CELF1: variants seen among roughly 807,000 people sequenced by gnomAD.
CELF1 encodes 50 kDa nuclear polyadenylated RNA-binding protein.
A neutral mutation model predicts 61.8 loss-of-function variants in CELF1; 10 were observed. The ratio of observed to expected loss-of-function variants is 0.16; its 90% confidence interval spans 0.10 to 0.27. The LOEUF (loss-of-function observed/expected upper bound fraction) is 0.27. Ranked by LOEUF, CELF1 falls within the 10% of genes least tolerant of loss-of-function variation. The pLI, the probability that CELF1 is intolerant of heterozygous loss-of-function variation, is 1.00. For missense variants in CELF1, 380 were observed against 639.1 expected, an observed-to-expected ratio of 0.59 and a Z score of 4.37; for synonymous variants, 236 against 225.1, an observed-to-expected ratio of 1.05 and a Z score of -0.43.
chr11:47,534,679 G>T (rs927223918), intron 1 of CELF1, among the ~76,000 whole-genome samples: 1 of 152,154 alleles, frequency 6.6e-6, no homozygotes, highest in African/African-American at 2.4e-5. Flanking sequence ...AGTATGCAGA[G>T]ATCGCACCAC....
intron 1 of CELF1, among the ~76,000 whole-genome samples, chr11:47,536,060 C>G (rs1007371805): frequency 3.3e-5 from 5 of 152,162 alleles, no homozygotes; most frequent in Non-Finnish European, 5.9e-5. Context: ...CTGCACCCAG[C>G]CCAAGAGTTT....
At chr11:47,541,928 A>G (rs1040865955) in intron 1 of CELF1, among the ~76,000 whole-genome samples, 5 of 152,134 alleles carry the variant, frequency 3.3e-5, no homozygotes, top group Admixed American at 6.6e-5. Flanking sequence ...CATAATCCCC[A>G]AACTAAAGAC....
chr11:47,561,457 A>AG, intron 2 of CELF1, among the ~76,000 whole-genome samples: 1 of 151,478 alleles, frequency 6.6e-6, no homozygotes, highest in Middle Eastern at 3.4e-3. Context: ...AAAAAAAAAA[A>AG]AAAAAAAAGT....
chr11:47,487,507 C>T (rs982544786), intron 4 of CELF1, among the ~76,000 whole-genome samples: 24 of 152,294 alleles, frequency 1.6e-4, no homozygotes, highest in Middle Eastern at 3.4e-3. Context: ...CTGGAAAATA[C>T]GACTTCTCAT....
Position 47,488,906 on chromosome 11 carries a change from C to T in CELF1, c.190G>A (p.Glu64Lys), listed in dbSNP as rs200901411. 3.7e-6 allele frequency: 6 copies of T among 1,612,890 alleles called. No individual in the cohort carries two copies. The highest frequency in any genetic ancestry group is 5.1e-6 in the Non-Finnish European group (6 of 1,179,696). Reference sequence around the variant, plus strand: ...ATTTCATACACAGCACCATACTGTTCGAAGAGTTCCCGCAAGTCCTTTTCA... The same window carrying T: ...ATTTCATACACAGCACCATACTGTTTGAAGAGTTCCCGCAAGTCCTTTTCA... ...WSEKDLRELFEQYGAVYEINV... is the reference protein window; with the variant it reads ...WSEKDLRELFKQYGAVYEINV... The change falls in exon 4 of 15, where the codon GAA becomes AAA. Residue 64 changes from glutamate to lysine, a missense_variant. Transcript: ENST00000687097.
At chr11:47,505,936 CAA>C (rs71457222) in intron 1 of CELF1, among the ~76,000 whole-genome samples, 30 of 103,292 alleles carry the variant, frequency 2.9e-4, no homozygotes, top group Admixed American at 3.1e-4. Context: ...ACTCTGTCTC[CAA>C]AAAAAAAAAA....
chr11:47,552,034 T>TG (rs1223000669), intron 1 of CELF1, among the ~76,000 whole-genome samples: 2 of 149,960 alleles, frequency 1.3e-5, no homozygotes, highest in Admixed American at 1.3e-4. Flanking sequence ...AAAAAAAAGA[T>TG]GAAGTTCTTG....
intron 3 of CELF1, among the ~76,000 whole-genome samples, chr11:47,489,935 G>GTTTTGTTTTTTTTTTTTTTTTTT (rs2090221098): frequency 2.1e-5 from 1 of 48,226 alleles, no homozygotes; most frequent in Non-Finnish European, 3.9e-5. Flanking sequence ...ATACCATCTT[G>GTTTTGTTTTTTTTTTTTTTTTTT]TTTTTTTTTT....
chr11:47,542,185 C>T (rs2096825673), intron 1 of CELF1, among the ~76,000 whole-genome samples: 1 of 152,162 alleles, frequency 6.6e-6, no homozygotes, highest in Non-Finnish European at 1.5e-5. Context: ...GCCTAGCCAA[C>T]ATGGTGAAAC....
intron 1 of CELF1, among the ~76,000 whole-genome samples, chr11:47,547,935 T>C (rs917459362): frequency 6.6e-6 from 1 of 152,100 alleles, no homozygotes; most frequent in Non-Finnish European, 1.5e-5. Flanking sequence ...GATGAAAACA[T>C]TTTGGAAAGA....
chr11:47,484,416 A>G lies in CELF1; in HGVS notation c.499T>C (p.Leu167=). 6.2e-7 allele frequency: 1 copy of G among 1,613,552 alleles called. No individual in the cohort carries two copies. Among genetic ancestry groups the G allele is most frequent in the Non-Finnish European group, 8.5e-7 (1 of 1,179,832 alleles). The change falls in exon 7 of 15, where the codon TTG becomes CTG. Residue 167 remains leucine, a synonymous_variant. Transcript: ENST00000687097. The part of the protein sequence containing the change: ...SFGQIEECRI[L]RGPDGLSRGC... ...CGGCTCAGGCCATCAGGTCCCCGCA[A>G]TATCCGGCATTCTTCAATCTGTCCA...
chr11:47,491,823 T>C (rs1385505843), intron 3 of CELF1, among the ~76,000 whole-genome samples: 2 of 152,230 alleles, frequency 1.3e-5, no homozygotes, highest in South Asian at 2.1e-4. Flanking sequence ...CGGTTCAAAG[T>C]AAGCACTCAA....
rs78333453 is a variant in CELF1 at position 47,520,431 on chromosome 11, T to C, written c.-153-19499A>G. On this transcript the variant is annotated intron_variant, in intron 1 of 14. Coordinates refer to ENST00000687097, the MANE Select transcript of CELF1 (RefSeq NM_001376376.1). ...CACTCTCACACAGATTATAAGTTTATGGATATGGCAAAACTTGCTGGTTCT... is the reference window on the plus strand; with the variant it reads ...CACTCTCACACAGATTATAAGTTTACGGATATGGCAAAACTTGCTGGTTCT... Among the ~76,000 whole-genome samples, 578 of 152,298 alleles carry C rather than the reference T, an allele frequency of 3.8e-3. 4 individuals carry two copies. The highest frequency in any genetic ancestry group is 0.013 in the African/African-American group (559 of 41,538).
intron 1 of CELF1, among the ~76,000 whole-genome samples, chr11:47,505,476 AC>A (rs1323078535): frequency 6.6e-6 from 1 of 150,588 alleles, no homozygotes; most frequent in Non-Finnish European, 1.5e-5. Context: ...TAAAAAAAAT[AC>A]AAAAAATACA....
In CELF1 at chr11:47,553,043, C is replaced by A; in HGVS notation, c.-205G>T. The A allele has an allele frequency of 2.5e-6, 1 of 401,454 alleles. No homozygotes were observed. Among genetic ancestry groups the A allele is most frequent in the Admixed American group, 4.4e-5 (1 of 22,748 alleles). The allele number at this position is 401,454 out of a possible 1,614,324, so 24.9% of individuals were successfully genotyped here. A position where few individuals can be genotyped will look rare whatever the true frequency, so the allele number is the denominator to read the frequency against. ...GCCTCAGTTGCTGCCTGCGCCTCCGCAGCCGCCGCCGCCGCCTCGCTGCTG... is the reference window on the plus strand; with the variant it reads ...GCCTCAGTTGCTGCCTGCGCCTCCGAAGCCGCCGCCGCCGCCTCGCTGCTG... On this transcript the variant is annotated 5_prime_UTR_variant, in exon 1 of 15. Transcript: ENST00000687097.
At chr11:47,482,962 C>G in intron 8 of CELF1, 106 bp from the exon 9 acceptor site, 1 of 955,326 alleles carries the variant, frequency 1.0e-6, no homozygotes, top group South Asian at 1.7e-5. Flanking sequence ...TCATTCACTG[C>G]CAAATGATTC....
At chr11:47,537,855 G>T (rs1171896142) in intron 1 of CELF1, among the ~76,000 whole-genome samples, 1 of 151,578 alleles carries the variant, frequency 6.6e-6, no homozygotes, top group Non-Finnish European at 1.5e-5. Context: ...GCACAGCACT[G>T]GGTTTAGTAC....
chr11:47,476,065 T>C (rs139838554), intron 12 of CELF1, among the ~76,000 whole-genome samples: 12 of 151,062 alleles, frequency 7.9e-5, no homozygotes, highest in African/African-American at 2.9e-4. Flanking sequence ...AGTGGTACAA[T>C]CATAGCTCAC....
At position 47,530,525 on chromosome 11, in the gene CELF1, C is replaced by T. The variant is rs961581026; in HGVS notation, c.-154+22467G>A. Among the ~76,000 whole-genome samples, 6 of 152,148 alleles carry T rather than the reference C, an allele frequency of 3.9e-5. No individual in the cohort carries two copies. In the South Asian group the frequency reaches 1.0e-3, roughly 26 times the overall value. ...TTTGGTATATGTGGCACTGACTCCA[C>T]GGCAGTCTAGAGAGGATGATGTTTC... is the stretch of plus-strand genomic sequence containing the variant. On this transcript the variant is annotated intron_variant, in intron 1 of 14. Transcript: ENST00000687097.
Sources: gnomAD v4.1 joint callset for allele counts (sites outside exome capture counted in the v4.1 genomes callset) on GRCh38, gnomAD v4.1.1 for gene constraint, MANE v1.5 for transcripts, NCBI Gene and HGNC (gene_info 2026-07-23, HGNC 2026-07-21) for gene names.